Variants in SQLE observed in about 807,000 individuals in gnomAD.
SQLE encodes squalene monooxygenase.
In SQLE, 29 loss-of-function variants were observed where a neutral mutation model predicts 60.7. The observed-to-expected ratio is 0.48, with a 90% CI of 0.36 to 0.65. The LOEUF is 0.65. Among genes scored for constraint, SQLE ranks in the 30% least tolerant of loss-of-function variants. The pLI, the probability that SQLE is intolerant of heterozygous loss-of-function variation, is 0.00. For missense variants in SQLE, 605 were observed against 684.1 expected (o/e 0.88, Z 1.29); for synonymous variants, 237 against 246.8 (o/e 0.96, Z 0.37).
chr8:125,019,601 A>G (rs781233029), intron 9 of SQLE, among the ~76,000 whole-genome samples: 267 of 152,318 alleles, frequency 1.8e-3, no homozygotes, highest in Non-Finnish European at 1.9e-3. Context: ...ATTAAAAGAA[A>G]TGGAGGAGAA....
Position 125,018,174 on chromosome 8 carries a change from C to G in SQLE, c.1320C>G (p.Asp440Glu), listed in dbSNP as rs1176820854. ...GAAAACTGCTAAAGGGTATCCCTGA[C>G]CTTTATGATGATGCAGCTATTTTCG... ...LWRKLLKGIP[D>E]LYDDAAIFEA... Residue 440 changes from aspartate (D) to glutamate (E), a missense_variant, in exon 8 of 11, where the codon GAC becomes GAG. Transcript: ENST00000265896. 1 of 1,606,650 alleles carries G rather than the reference C, an allele frequency of 6.2e-7. No homozygotes were observed. The highest frequency in any genetic ancestry group is 1.3e-5 in the African/African-American group (1 of 74,514).
At chr8:125,009,667 T>C (rs926585869) in intron 6 of SQLE, among the ~76,000 whole-genome samples, 4 of 151,970 alleles carry the variant, frequency 2.6e-5, no homozygotes, top group Non-Finnish European at 5.9e-5. Context: ...TGGTGGTGCA[T>C]GCCTGTAATC....
rs1269800658 is a variant in SQLE at position 124,998,519 on chromosome 8, C to T, written c.-885C>T. 9 of 658,172 alleles carry T rather than the reference C, an allele frequency of 1.4e-5. No individual in the cohort carries two copies. Among genetic ancestry groups the T allele is most frequent in the Non-Finnish European group, 2.5e-5 (9 of 364,414 alleles). 40.8% of individuals were successfully genotyped at this position (658,172 alleles called of 1,614,324 possible). On this transcript the variant is annotated 5_prime_UTR_variant, in exon 1 of 11. Coordinates refer to ENST00000265896, the MANE Select transcript of SQLE (RefSeq NM_003129.4). ...CCCAGCTGGCTGAGACGCGTGGAGC[C>T]TGGCGGCGAGTGGGGGCGTGCGACG...
At position 124,999,071 on chromosome 8, in the gene SQLE, C is replaced by T; in HGVS notation, c.-333C>T. ...TCAGAAGAGTATCCATCACCCGCAG[C>T]AACCGCTCAGGGAACACCATCAAAA... On this transcript the variant is annotated 5_prime_UTR_variant, in exon 1 of 11. Coordinates refer to ENST00000265896, the MANE Select transcript of SQLE (RefSeq NM_003129.4). 3 of 296,080 alleles carry T rather than the reference C, an allele frequency of 1.0e-5. No homozygotes were observed. The highest frequency in any genetic ancestry group is 1.2e-5 in the Non-Finnish European group (2 of 162,422). The allele number at this position is 296,080 out of a possible 1,614,324, so 18.3% of individuals were successfully genotyped here.
chr8:125,018,192 T>C lies in SQLE; in HGVS notation c.1338T>C (p.Ala446=), dbSNP rs1365648591. The C allele has an allele frequency of 6.2e-7, 1 of 1,606,986 alleles. No homozygotes were observed. Among genetic ancestry groups the C allele is most frequent in the South Asian group, 1.1e-5 (1 of 89,372 alleles). The change falls in exon 8 of 11, where the codon GCT becomes GCC. Residue 446 remains alanine, a synonymous_variant. Coordinates refer to ENST00000265896, the MANE Select transcript of SQLE (RefSeq NM_003129.4). Reference sequence around the variant, plus strand: ...TCCCTGACCTTTATGATGATGCAGCTATTTTCGAGGTAAGATCAATTATTT... The same window carrying C: ...TCCCTGACCTTTATGATGATGCAGCCATTTTCGAGGTAAGATCAATTATTT... ...KGIPDLYDDA[A]IFEAKKSFYW...
chr8:125,007,106 ATTTT>A (rs1225575692), intron 3 of SQLE, among the ~76,000 whole-genome samples: 1 of 152,156 alleles, frequency 6.6e-6, no homozygotes, highest in Non-Finnish European at 1.5e-5. Context: ...CCTATATTTT[ATTTT>A]TTAACAAATT....
At chr8:125,008,926 T>C (rs781466023) in intron 4 of SQLE, 45 bp from the exon 5 acceptor site, 3 of 1,353,930 alleles carry the variant, frequency 2.2e-6, no homozygotes, top group Non-Finnish European at 3.0e-6. Context: ...TTTTTTACTG[T>C]GTGTTTCTGA....
At position 125,022,124 on chromosome 8, in the gene SQLE, T is replaced by C. The variant is rs1402281383; in HGVS notation, c.*179T>C. The C allele has an allele frequency of 2.5e-6, 1 of 395,720 alleles. No individual in the cohort carries two copies. Among genetic ancestry groups the C allele is most frequent in the Admixed American group, 4.4e-5 (1 of 22,482 alleles). The allele number at this position is 395,720 out of a possible 1,614,324, so 24.5% of individuals were successfully genotyped here. A position where few individuals can be genotyped will look rare whatever the true frequency, so the allele number is the denominator to read the frequency against. The stretch of plus-strand genomic sequence containing the variant: ...TATATAAATATGTAAATACATGCTT[T>C]AATTTGCAATTTAAAATGAAGGGGT... On this transcript the variant is annotated 3_prime_UTR_variant, in exon 11 of 11. Transcript: ENST00000265896.
At chr8:125,008,119 C>T (rs1814984450) in intron 4 of SQLE, among the ~76,000 whole-genome samples, 1 of 152,106 alleles carries the variant, frequency 6.6e-6, no homozygotes. Flanking sequence ...GACGGAGTTT[C>T]ACTCTTGTTG....
intron 1 of SQLE, 160 bp downstream of exon 1, chr8:124,999,854 A>G (rs1814813698): frequency 4.3e-6 from 4 of 929,262 alleles, no homozygotes; most frequent in African/African-American, 1.7e-5. Flanking sequence ...CCTTGGTTAC[A>G]TCTTTGACCT....
chr8:125,010,782 T>C (rs1209033322), intron 6 of SQLE, among the ~76,000 whole-genome samples: 1 of 152,032 alleles, frequency 6.6e-6, no homozygotes, highest in Admixed American at 6.6e-5. Flanking sequence ...TTTCTTTTTT[T>C]TTTCTTTTTT....
chr8:125,007,563 T>C, intron 4 of SQLE, 76 bp downstream of exon 4: 1 of 955,058 alleles, frequency 1.0e-6, no homozygotes, highest in Non-Finnish European at 1.6e-6. Context: ...TTTAAAAAAG[T>C]AGGCTTACCG....
chr8:125,011,720 T>A, intron 7 of SQLE, 88 bp downstream of exon 7: 1 of 1,151,796 alleles, frequency 8.7e-7, no homozygotes, highest in South Asian at 1.4e-5. Flanking sequence ...GAATAACTTC[T>A]GGGACAGATA....
In SQLE at chr8:125,022,053, A is replaced by C; in HGVS notation, c.*108A>C. 1 of 729,632 alleles carries C rather than the reference A, an allele frequency of 1.4e-6. No homozygotes were observed. Among genetic ancestry groups the C allele is most frequent in the Non-Finnish European group, 1.9e-6 (1 of 520,158 alleles). 45.2% of individuals were successfully genotyped at this position (729,632 alleles called of 1,614,324 possible). On this transcript the variant is annotated 3_prime_UTR_variant, in exon 11 of 11. Transcript: ENST00000265896. ...AGTACCATACCACTTATAAAGTGGAAACTCTTGGACCAAGATTTGGATTAA... is the reference window on the plus strand; with the variant it reads ...AGTACCATACCACTTATAAAGTGGACACTCTTGGACCAAGATTTGGATTAA...
At chr8:125,000,798 A>C (rs1814832204) in intron 1 of SQLE, among the ~76,000 whole-genome samples, 1 of 152,052 alleles carries the variant, frequency 6.6e-6, no homozygotes, top group African/African-American at 2.4e-5. Context: ...CTGTATGGAG[A>C]ATGGGTTGTA....
At chr8:125,001,832 GTCTTA>G (rs935899611) in intron 1 of SQLE, among the ~76,000 whole-genome samples, 3 of 152,086 alleles carry the variant, frequency 2.0e-5, no homozygotes, top group African/African-American at 7.2e-5. Flanking sequence ...ATGGCATTTA[GTCTTA>G]TCTTAATCAT....
intron 6 of SQLE, 109 bp from the exon 7 acceptor site, chr8:125,011,428 C>A: frequency 1.3e-6 from 1 of 769,682 alleles, no homozygotes; most frequent in Non-Finnish European, 2.1e-6. Context: ...ATGTAACAAC[C>A]ATAACAGATG....
At chr8:125,011,709 C>A in intron 7 of SQLE, 77 bp downstream of exon 7, 1 of 1,231,956 alleles carries the variant, frequency 8.1e-7, no homozygotes, top group Non-Finnish European at 1.2e-6. Flanking sequence ...TATACTGTTA[C>A]GAATAACTTC....
rs1474245003 is a variant in SQLE, at chr8:125,007,451, A to T, written c.786A>T (p.Gly262=). 1 of 1,555,140 alleles carries T rather than the reference A, an allele frequency of 6.4e-7. No homozygotes were observed. The highest frequency in any genetic ancestry group is 1.9e-5 in the Admixed American group (1 of 51,378). The change falls in exon 4 of 11, where the codon GGA becomes GGT. Residue 262 remains glycine (G), a synonymous_variant. Transcript: ENST00000265896. Reference sequence around the variant, plus strand: ...TAGAGGAAGATGATGTTGTGATGGGAGTTCAGTACAAGGATAAAGAGACTG... The same window carrying T: ...TAGAGGAAGATGATGTTGTGATGGGTGTTCAGTACAAGGATAAAGAGACTG... ...QLLEEDDVVM[G]VQYKDKETGD...
Sources: allele counts gnomAD v4.1 joint callset (sites outside exome capture counted in the v4.1 genomes callset), GRCh38; gene constraint gnomAD v4.1.1; transcripts MANE v1.5; gene names NCBI Gene and HGNC (gene_info 2026-07-23, HGNC 2026-07-21).